MEGF9: variants seen among roughly 807,000 people sequenced by gnomAD.
The protein encoded by MEGF9 is multiple epidermal growth factor-like domains protein 9.
A neutral mutation model predicts 46.8 loss-of-function variants in MEGF9; 6 were observed. That is an observed-to-expected ratio of 0.13 (90% CI 0.07 to 0.25). The LOEUF (loss-of-function observed/expected upper bound fraction) is 0.25. Among genes scored for constraint, MEGF9 ranks in the 10% least tolerant of loss-of-function variants. MEGF9 has a pLI of 1.00. For missense variants in MEGF9, 683 were observed against 792.4 expected (o/e 0.86, Z 1.66); for synonymous variants, 302 against 330.7 (o/e 0.91, Z 0.94).
intron 2 of MEGF9, among the ~76,000 whole-genome samples, chr9:120,638,700 G>C (rs549814766): frequency 2.6e-4 from 40 of 152,324 alleles, no homozygotes; most frequent in Non-Finnish European, 4.7e-4. Flanking sequence ...CTGGCACCTT[G>C]AAGTAGCATC....
intron 2 of MEGF9, among the ~76,000 whole-genome samples, chr9:120,623,577 T>C (rs934938611): frequency 1.3e-5 from 2 of 152,102 alleles, no homozygotes; most frequent in Non-Finnish European, 2.9e-5. Context: ...CAACAAAAAT[T>C]TACATTATCT....
chr9:120,628,468 GTTTTTTTTTTT>G (rs1170322238), intron 2 of MEGF9, among the ~76,000 whole-genome samples: 8 of 69,032 alleles, frequency 1.2e-4, no homozygotes, highest in African/African-American at 2.3e-4. Flanking sequence ...TCTTGTCGTT[GTTTTTTTTTTT>G]TTTTTTTTTT....
At chr9:120,653,971 G>T (rs1405014275) in intron 2 of MEGF9, among the ~76,000 whole-genome samples, 1 of 152,204 alleles carries the variant, frequency 6.6e-6, no homozygotes, top group Non-Finnish European at 1.5e-5. Context: ...CCCAGGAGTA[G>T]AAACAGCAAC....
chr9:120,611,867 G>GAA (rs1554794254), intron 4 of MEGF9, among the ~76,000 whole-genome samples: 59 of 139,028 alleles, frequency 4.2e-4, no homozygotes, highest in African/African-American at 7.7e-4. Flanking sequence ...AAGGAAGAAA[G>GAA]AGAGAGAGAG....
chr9:120,653,999 T>C (rs2043665218), intron 2 of MEGF9, among the ~76,000 whole-genome samples: 1 of 152,118 alleles, frequency 6.6e-6, no homozygotes, highest in Non-Finnish European at 1.5e-5. Flanking sequence ...TGTGACAGCA[T>C]AGTCTGCTGC....
intron 1 of MEGF9, among the ~76,000 whole-genome samples, chr9:120,688,130 AACACACACACACACACACACACACAC>A (rs34218836): frequency 2.8e-5 from 4 of 142,626 alleles, no homozygotes; most frequent in African/African-American, 7.8e-5. Context: ...TCCTCTCCGC[AACACACACACACACACACACACACAC>A]ACACACACAC....
At position 120,601,313 on chromosome 9, in the gene MEGF9, A is replaced by T. The variant is rs916097536; in HGVS notation, c.*3877T>A. On this transcript the variant is annotated 3_prime_UTR_variant, in exon 6 of 6. Transcript: ENST00000373930. ...AATATAGGAACCAGGGATGTTCATTATAAGTGGTGTTATGTTCACCAAGCA... is the reference window on the plus strand; with the variant it reads ...AATATAGGAACCAGGGATGTTCATTTTAAGTGGTGTTATGTTCACCAAGCA... 1 of 152,224 alleles carries T rather than the reference A, an allele frequency of 6.6e-6. No homozygotes were observed. Among genetic ancestry groups the T allele is most frequent in the Non-Finnish European group, 1.5e-5 (1 of 68,036 alleles). The allele number at this position is 152,224 out of a possible 1,614,324, so 9.4% of individuals were successfully genotyped here.
At chr9:120,623,578 T>G (rs57899388) in intron 2 of MEGF9, among the ~76,000 whole-genome samples, 2,326 of 152,280 alleles carry the variant, frequency 0.015, 60 homozygotes, top group African/African-American at 0.053. Context: ...AACAAAAATT[T>G]ACATTATCTA....
At chr9:120,662,890 T>A (rs1183554060) in intron 1 of MEGF9, among the ~76,000 whole-genome samples, 2 of 152,234 alleles carry the variant, frequency 1.3e-5, no homozygotes, top group African/African-American at 4.8e-5. Context: ...TTGTGGTTCA[T>A]CTAGGTAGAG....
At chr9:120,648,612 T>TC (rs1200783280) in intron 2 of MEGF9, among the ~76,000 whole-genome samples, 1 of 152,220 alleles carries the variant, frequency 6.6e-6, no homozygotes, top group East Asian at 1.9e-4. Flanking sequence ...TAATATCTTT[T>TC]GACATATGGT....
intron 1 of MEGF9, among the ~76,000 whole-genome samples, chr9:120,675,584 C>A (rs984611419): frequency 2.0e-5 from 3 of 151,774 alleles, no homozygotes; most frequent in East Asian, 3.9e-4. Context: ...CAGAGTGAGA[C>A]CCTGTCTCAA....
chr9:120,708,184 C>G (rs1214771296), intron 1 of MEGF9, among the ~76,000 whole-genome samples: 1 of 152,010 alleles, frequency 6.6e-6, no homozygotes, highest in Non-Finnish European at 1.5e-5. Flanking sequence ...ATGGTGAAAC[C>G]CTGTTTCTTC....
Position 120,612,457 on chromosome 9 carries a change from G to C in MEGF9, c.1026C>G (p.Ala342=), listed in dbSNP as rs761229188. Residue 342 remains alanine (A), a synonymous_variant, in exon 4 of 6, where the codon GCC becomes GCG. Transcript: ENST00000373930. The stretch of plus-strand genomic sequence containing the variant: ...AAGGGCAGCGAAGACATTCTTTAGT[G>C]GCATCAGGACTCTGATAAAATCCTT... ...CKEGFYQSPD[A]TKECLRCPCS... 6.2e-7 allele frequency: 1 copy of C among 1,613,396 alleles called. No individual in the cohort carries two copies. The highest frequency in any genetic ancestry group is 2.2e-5 in the East Asian group (1 of 44,872).
At chr9:120,624,556 G>A (rs2043515573) in intron 2 of MEGF9, among the ~76,000 whole-genome samples, 1 of 152,016 alleles carries the variant, frequency 6.6e-6, no homozygotes, top group South Asian at 2.1e-4. Flanking sequence ...AAAAAAAAAG[G>A]TGCTTTTCTC....
intron 1 of MEGF9, among the ~76,000 whole-genome samples, chr9:120,661,402 C>T (rs59657587): frequency 2.6e-5 from 4 of 152,164 alleles, no homozygotes; most frequent in East Asian, 1.9e-4. Flanking sequence ...CTGTAGTCCT[C>T]GCTACTCGGG....
intron 2 of MEGF9, among the ~76,000 whole-genome samples, chr9:120,636,246 CCTAA>C (rs2043573758): frequency 6.6e-6 from 1 of 152,278 alleles, no homozygotes; most frequent in East Asian, 1.9e-4. Context: ...CCTACCTCTT[CCTAA>C]CTTTCTAGAG....
chr9:120,637,263 G>A (rs1166185753), intron 2 of MEGF9, among the ~76,000 whole-genome samples: 1 of 152,028 alleles, frequency 6.6e-6, no homozygotes, highest in Non-Finnish European at 1.5e-5. Context: ...CTAATGTCAA[G>A]TACCCAGGGA....
intron 1 of MEGF9, among the ~76,000 whole-genome samples, chr9:120,711,873 C>CACACACACACA (rs2043955555): frequency 6.4e-5 from 5 of 78,366 alleles, no homozygotes; most frequent in East Asian, 3.2e-4. Context: ...ACACACACAC[C>CACACACACACA]CACAGGCCTG....
intron 1 of MEGF9, among the ~76,000 whole-genome samples, chr9:120,670,586 TTC>T (rs1444384061): frequency 2.0e-5 from 3 of 152,232 alleles, no homozygotes; most frequent in African/African-American, 4.8e-5. Flanking sequence ...TATTCCAAGC[TTC>T]TCTTTAAGTC....
Sources: allele counts gnomAD v4.1 joint callset (sites outside exome capture counted in the v4.1 genomes callset), GRCh38; gene constraint gnomAD v4.1.1; transcripts MANE v1.5; gene names NCBI Gene and HGNC (gene_info 2026-07-23, HGNC 2026-07-21).